Variants in TCERG1L observed in about 807,000 individuals in gnomAD.
The protein encoded by TCERG1L is transcription elongation regulator 1 like.
TCERG1L carries 37 observed loss-of-function variants against 56.3 expected under a neutral mutation model. The observed-to-expected ratio is 0.66, with a 90% CI of 0.51 to 0.87. TCERG1L has a LOEUF of 0.87. TCERG1L is among the 40% of genes least tolerant of loss of function. The probability of loss-of-function intolerance (pLI) is 0.00; values close to 1 mark genes in which losing one functional copy is unlikely to be tolerated. For missense variants in TCERG1L, 799 were observed against 774.2 expected, an observed-to-expected ratio of 1.03 and a Z score of -0.38; for synonymous variants, 324 against 326.3, an observed-to-expected ratio of 0.99 and a Z score of 0.08.
chr10:131,254,320 T>TATATAG (rs999617923), intron 4 of TCERG1L, among the ~76,000 whole-genome samples: 20 of 149,960 alleles, frequency 1.3e-4, no homozygotes, highest in African/African-American at 4.7e-4. Context: ...TATATATATA[T>TATATAG]AGTAAGTATT....
At chr10:131,119,762 T>C (rs1845495199) in intron 8 of TCERG1L, among the ~76,000 whole-genome samples, 1 of 152,246 alleles carries the variant, frequency 6.6e-6, no homozygotes, top group Admixed American at 6.5e-5. Flanking sequence ...TTAGTAAAGA[T>C]AGCTCAACCC....
At chr10:131,269,093 C>T (rs11017853) in intron 3 of TCERG1L, among the ~76,000 whole-genome samples, 4 of 152,204 alleles carry the variant, frequency 2.6e-5, no homozygotes, top group African/African-American at 4.8e-5. Context: ...TTAATTATTG[C>T]TAGCTTTTGA....
intron 3 of TCERG1L, among the ~76,000 whole-genome samples, chr10:131,272,136 A>T (rs1299802220): frequency 1.3e-5 from 2 of 152,202 alleles, no homozygotes; most frequent in African/African-American, 4.8e-5. Context: ...TCAACAGCAC[A>T]GGTCCTTCCC....
At chr10:131,265,915 T>C (rs987788607) in intron 3 of TCERG1L, among the ~76,000 whole-genome samples, 12 of 152,264 alleles carry the variant, frequency 7.9e-5, no homozygotes, top group African/African-American at 2.9e-4. Flanking sequence ...GCTACATTGA[T>C]GGACTCTTCC....
intron 4 of TCERG1L, among the ~76,000 whole-genome samples, chr10:131,237,503 C>T (rs183047516): frequency 2.0e-5 from 3 of 152,174 alleles, no homozygotes; most frequent in African/African-American, 7.2e-5. Context: ...AGGAGATAAA[C>T]GAAGCAATGA....
At chr10:131,133,735 A>C (rs1156646519) in intron 8 of TCERG1L, among the ~76,000 whole-genome samples, 1 of 152,194 alleles carries the variant, frequency 6.6e-6, no homozygotes, top group Non-Finnish European at 1.5e-5. Flanking sequence ...GGAGGGGTTA[A>C]AGGGCAGGAG....
chr10:131,216,448 T>C (rs1845669713), intron 4 of TCERG1L, among the ~76,000 whole-genome samples: 1 of 152,166 alleles, frequency 6.6e-6, no homozygotes, highest in Admixed American at 6.5e-5. Flanking sequence ...TGAGGTTGTT[T>C]TAAGAATCTT....
intron 7 of TCERG1L, among the ~76,000 whole-genome samples, chr10:131,144,925 T>TG (rs1247851333): frequency 2.0e-5 from 3 of 152,308 alleles, no homozygotes; most frequent in African/African-American, 2.4e-5. Flanking sequence ...GGTGGCCCAG[T>TG]GGGGGCGTTT....
At chr10:131,199,691 G>A (rs1393886865) in intron 4 of TCERG1L, among the ~76,000 whole-genome samples, 1 of 152,164 alleles carries the variant, frequency 6.6e-6, no homozygotes, top group Admixed American at 6.5e-5. Context: ...GCTCTGTGGG[G>A]TCTCAACTGA....
chr10:131,125,492 G>A (rs1215461260), intron 8 of TCERG1L, among the ~76,000 whole-genome samples: 8 of 152,190 alleles, frequency 5.3e-5, no homozygotes, highest in Admixed American at 3.9e-4. Flanking sequence ...TGCCTTATGG[G>A]GCCTCAGACA....
intron 3 of TCERG1L, among the ~76,000 whole-genome samples, chr10:131,269,312 G>A (rs1310562563): frequency 5.3e-5 from 8 of 152,152 alleles, no homozygotes; most frequent in South Asian, 2.1e-4. Flanking sequence ...TCAGACTCCC[G>A]AGTAGCTGGG....
chr10:131,260,470 A>G lies in TCERG1L; in HGVS notation c.671-26T>C. On this transcript the variant is annotated intron_variant, in intron 3 of 11. Transcript: ENST00000368642. This position sits in a 1 kb window ranked among gnomAD's most constrained non-coding sequence, Gnocchi z 5.8. Reference sequence around the variant, plus strand: ...CTGCGGAAGAGGGATGCAGAGGGTCAGCAAGGGGACGACCAGGGCCATGGG... The same window carrying G: ...CTGCGGAAGAGGGATGCAGAGGGTCGGCAAGGGGACGACCAGGGCCATGGG... 1 of 1,375,658 alleles carries G rather than the reference A, an allele frequency of 7.3e-7. No homozygotes were observed. Among genetic ancestry groups the G allele is most frequent in the Non-Finnish European group, 9.4e-7 (1 of 1,060,932 alleles). The allele number at this position is 1,375,658 out of a possible 1,614,324, so 85.2% of individuals were successfully genotyped here.
intron 11 of TCERG1L, among the ~76,000 whole-genome samples, chr10:131,097,283 AT>A (rs1845258764): frequency 1.3e-5 from 2 of 151,840 alleles, no homozygotes; most frequent in Admixed American, 6.6e-5. Flanking sequence ...ATTGTTAACC[AT>A]TTTTATGCTT....
At chr10:131,096,388 G>A (rs1845246443) in intron 11 of TCERG1L, among the ~76,000 whole-genome samples, 1 of 152,210 alleles carries the variant, frequency 6.6e-6, no homozygotes, top group Non-Finnish European at 1.5e-5. Flanking sequence ...CAGGCAACAG[G>A]ACACACATTT....
intron 3 of TCERG1L, among the ~76,000 whole-genome samples, chr10:131,275,664 ACCC>A (rs1380649434): frequency 6.6e-6 from 1 of 152,148 alleles, no homozygotes; most frequent in East Asian, 1.9e-4. Flanking sequence ...TCCAGAAATC[ACCC>A]CTCAAAACTT....
intron 4 of TCERG1L, among the ~76,000 whole-genome samples, chr10:131,211,825 G>A (rs1273103462): frequency 6.6e-6 from 1 of 152,086 alleles, no homozygotes; most frequent in Non-Finnish European, 1.5e-5. Flanking sequence ...ACGGCGGCTG[G>A]GAGCATCCAT....
intron 11 of TCERG1L, among the ~76,000 whole-genome samples, chr10:131,094,804 G>GC (rs1157966901): frequency 3.3e-5 from 5 of 152,146 alleles, no homozygotes; most frequent in African/African-American, 1.2e-4. Context: ...ACCCCGACCT[G>GC]CGGGGGATGA....
At chr10:131,104,379 T>A (rs1227462627) in intron 9 of TCERG1L, 25 bp from the exon 10 acceptor site, 1 of 1,484,562 alleles carries the variant, frequency 6.7e-7, no homozygotes, top group East Asian at 2.5e-5. Flanking sequence ...TCAATAGAGT[T>A]GCTGTTAGCG....
intron 6 of TCERG1L, among the ~76,000 whole-genome samples, chr10:131,158,687 A>G (rs1845946871): frequency 6.6e-6 from 1 of 152,232 alleles, no homozygotes; most frequent in Admixed American, 6.5e-5. Flanking sequence ...TTACGTAGAC[A>G]GAGGATCTAA....
Sources: gnomAD v4.1 joint callset for allele counts (sites outside exome capture counted in the v4.1 genomes callset) on GRCh38, gnomAD v4.1.1 for gene constraint, Gnocchi (gnomAD v3.1) non-coding constraint, MANE v1.5 for transcripts, NCBI Gene and HGNC (gene_info 2026-07-23, HGNC 2026-07-21) for gene names.